Variants in TM9SF4 observed in about 807,000 individuals in gnomAD.
The protein encoded by TM9SF4 is dinucleotide oxidase disulfide thiol exchanger 3 superfamily member 4.
In TM9SF4, 26 loss-of-function variants were observed where a neutral mutation model predicts 90.4. The observed-to-expected ratio is 0.29, with a 90% CI of 0.21 to 0.40. The LOEUF (loss-of-function observed/expected upper bound fraction) is 0.40, where lower values mean the gene tolerates loss of function less well. Ranked by LOEUF, TM9SF4 falls within the 10% of genes least tolerant of loss-of-function variation. TM9SF4 has a pLI of 1.00. For synonymous variants in TM9SF4, 293 were observed against 315.4 expected (o/e 0.93, Z 0.75); for missense variants, 549 against 834.8 (o/e 0.66, Z 4.22).
In TM9SF4 at chr20:32,118,310, G is replaced by A. The variant is rs574993912; in HGVS notation, c.15+8555G>A. ...ACCCACATACCTGGTGCCAGAATCC[G>A]CTCTGCATAATTCTTACCTTAGCCC... On this transcript the variant is annotated intron_variant, in intron 1 of 17. Transcript: ENST00000398022. 1.2e-3 allele frequency among the ~76,000 whole-genome samples: 182 copies of A among 152,262 alleles called. 1 individual carries two copies. The highest frequency in any genetic ancestry group is 3.9e-3 in the African/African-American group (163 of 41,530).
intron 13 of TM9SF4, among the ~76,000 whole-genome samples, chr20:32,155,874 T>G (rs2046912478): frequency 6.6e-6 from 1 of 152,212 alleles, no homozygotes; most frequent in Non-Finnish European, 1.5e-5. Context: ...GAGGGGTTTC[T>G]TTCCCAGCAA....
intron 1 of TM9SF4, among the ~76,000 whole-genome samples, chr20:32,119,213 C>G (rs1296443344): frequency 6.6e-6 from 1 of 152,008 alleles, no homozygotes; most frequent in Non-Finnish European, 1.5e-5. Flanking sequence ...AATGTCAGCA[C>G]TTTGGGAAGC....
In TM9SF4 at chr20:32,143,112, G is replaced by A; in HGVS notation, c.652+7G>A. The A allele has an allele frequency of 6.2e-7, 1 of 1,612,376 alleles. No homozygotes were observed. Among genetic ancestry groups the A allele is most frequent in the South Asian group, 1.1e-5 (1 of 90,974 alleles). ...CAGAGCATCAGGCTGGAGGGTGAGT[G>A]GGGAGGTGTGGCCGGAGGGGCAGGG... On this transcript the variant is annotated splice_region_variant and intron_variant, in intron 6 of 17. Transcript: ENST00000398022.
Position 32,154,797 on chromosome 20 carries a change from A to G in TM9SF4, c.1246-306A>G, listed in dbSNP as rs73250870. ...CAGTGATGAGAGTACATCAGAGAAC[A>G]AGGTAGACACACTCCTCCCAAGGAG... On this transcript the variant is annotated intron_variant, in intron 12 of 17. Transcript: ENST00000398022. 9.8e-3 allele frequency among the ~76,000 whole-genome samples: 1,490 copies of G among 152,350 alleles called. 19 individuals carry two copies. The highest frequency in any genetic ancestry group is 0.034 in the African/African-American group (1,414 of 41,574).
At chr20:32,127,364 G>C (rs896054363) in intron 1 of TM9SF4, among the ~76,000 whole-genome samples, 1 of 152,092 alleles carries the variant, frequency 6.6e-6, no homozygotes, top group Non-Finnish European at 1.5e-5. Context: ...CCACTTTCTG[G>C]CTGGATGGGC....
intron 1 of TM9SF4, among the ~76,000 whole-genome samples, chr20:32,112,625 C>T (rs1408843017): frequency 6.8e-6 from 1 of 147,974 alleles, no homozygotes; most frequent in Non-Finnish European, 1.5e-5. Flanking sequence ...ACCCGGGAGG[C>T]GGAGGCTACA....
intron 2 of TM9SF4, among the ~76,000 whole-genome samples, chr20:32,135,172 T>C (rs2046577381): frequency 6.6e-6 from 1 of 152,232 alleles, no homozygotes; most frequent in African/African-American, 2.4e-5. Context: ...TGTGTGCTTG[T>C]AGCATTTCCT....
In TM9SF4 at chr20:32,143,044, C is replaced by T; in HGVS notation, c.591C>T (p.Asp197=). Residue 197 remains aspartate (D), a synonymous_variant, in exon 6 of 18, where the codon GAC becomes GAT. Coordinates refer to ENST00000398022, the MANE Select transcript of TM9SF4 (RefSeq NM_014742.4). ...ATCATCGGGAGGACATGGAAGAGGA[C>T]CAGGAGCACACGTACCGTGTCGTCC... ...LYYHREDMEE[D]QEHTYRVVRF... is the part of the protein sequence containing the mutation. 1 of 1,613,974 alleles carries T rather than the reference C, an allele frequency of 6.2e-7. No homozygotes were observed. The highest frequency in any genetic ancestry group is 2.2e-5 in the East Asian group (1 of 44,852).
intron 3 of TM9SF4, among the ~76,000 whole-genome samples, chr20:32,140,736 T>TCATC (rs2046660992): frequency 6.6e-6 from 1 of 151,532 alleles, no homozygotes; most frequent in Non-Finnish European, 1.5e-5. Flanking sequence ...AGAGTCAGAG[T>TCATC]CATCCCTCCA....
chr20:32,116,648 TTTTGTTTG>T (rs143598022), intron 1 of TM9SF4: 5 of 152,136 alleles, frequency 3.3e-5, no homozygotes, highest in African/African-American at 4.8e-5. Flanking sequence ...CTAATTTGTT[TTTTGTTTG>T]TTTGTTTGTT....
chr20:32,130,300 G>T (rs908806826), intron 1 of TM9SF4, among the ~76,000 whole-genome samples: 11 of 152,180 alleles, frequency 7.2e-5, no homozygotes, highest in African/African-American at 2.7e-4. Flanking sequence ...GTATCTTTGT[G>T]TGAGGATTGT....
At chr20:32,139,399 C>T (rs976167599) in intron 3 of TM9SF4, among the ~76,000 whole-genome samples, 1 of 152,114 alleles carries the variant, frequency 6.6e-6, no homozygotes, top group Non-Finnish European at 1.5e-5. Context: ...TAATATGCAC[C>T]ATCCCTCACT....
At chr20:32,160,216 C>T in intron 16 of TM9SF4, 105 bp downstream of exon 16, 8 of 1,527,666 alleles carry the variant, frequency 5.2e-6, no homozygotes, top group Non-Finnish European at 7.1e-6. Context: ...TTCATGTGGC[C>T]CCTGCTTCTG....
intron 2 of TM9SF4, among the ~76,000 whole-genome samples, chr20:32,134,834 A>C (rs1311520842): frequency 6.6e-6 from 1 of 152,016 alleles, no homozygotes; most frequent in Non-Finnish European, 1.5e-5. Flanking sequence ...CACCATGCCC[A>C]GCCGATTTTT....
intron 17 of TM9SF4, among the ~76,000 whole-genome samples, chr20:32,163,265 AAAAATATATATATATATAT>A (rs2047048726): frequency 1.3e-5 from 1 of 79,110 alleles, no homozygotes; most frequent in East Asian, 4.0e-4. Flanking sequence ...AAAAAAAAAA[AAAAATATATATATATATAT>A]ATATATATAT....
In TM9SF4 at chr20:32,156,182, A is replaced by G. The variant is rs1242775404; in HGVS notation, c.1329+996A>G. ...TTTAAAATTTATAAAATAACAGCAAACATTTATATGATGCTTGCTTTGTAG... is the reference window on the plus strand; with the variant it reads ...TTTAAAATTTATAAAATAACAGCAAGCATTTATATGATGCTTGCTTTGTAG... On this transcript the variant is annotated intron_variant, in intron 13 of 17. Coordinates refer to ENST00000398022, the MANE Select transcript of TM9SF4 (RefSeq NM_014742.4). 5.9e-5 allele frequency among the ~76,000 whole-genome samples: 9 copies of G among 152,236 alleles called. No individual in the cohort carries two copies. The East Asian group carries it at 1.3e-3, about 23-fold the overall frequency.
chr20:32,166,639 A>C lies in TM9SF4; in HGVS notation c.*1195A>C, dbSNP rs2047102386. 6.6e-6 allele frequency: 1 copy of C among 152,288 alleles called. No individual in the cohort carries two copies. The highest frequency in any genetic ancestry group is 2.4e-5 in the African/African-American group (1 of 41,454). The allele number at this position is 152,288 out of a possible 1,614,324, so 9.4% of individuals were successfully genotyped here. ...TTCTGTCGTTCTTTCCCCAATCCCC[A>C]GGAATGGACAAGAAGCCAACTTAGA... On this transcript the variant is annotated 3_prime_UTR_variant, in exon 18 of 18. Coordinates refer to ENST00000398022, the MANE Select transcript of TM9SF4 (RefSeq NM_014742.4).
chr20:32,122,917 G>A (rs1446823792), intron 1 of TM9SF4, among the ~76,000 whole-genome samples: 82 of 151,868 alleles, frequency 5.4e-4, no homozygotes, highest in Non-Finnish European at 9.6e-4. Context: ...CTGCAATCCC[G>A]GCACCTCGGG....
Position 32,160,055 on chromosome 20 carries a change from G to A in TM9SF4, c.1633G>A (p.Val545Met). The part of the protein sequence containing the change: ...GFLFLVFIIL[V>M]VSCSQISIVM... ...CCTGTTCCTTGTTTTCATCATCCTG[G>A]TGGTATCCTGTTCACAAATCAGCAT... The change falls in exon 16 of 18, where the codon GTG becomes ATG. Residue 545 changes from valine (V) to methionine (M), a missense_variant. By Grantham distance (21) the Val-to-Met change is conservative (BLOSUM62 1). Around this residue, in one of 2 missense-constraint regions of TM9SF4, gnomAD observed 495 missense variants for 711.7 expected, o/e 0.70. Coordinates refer to ENST00000398022, the MANE Select transcript of TM9SF4 (RefSeq NM_014742.4). The A allele has an allele frequency of 6.2e-7, 1 of 1,614,188 alleles. No individual in the cohort carries two copies. Among genetic ancestry groups the A allele is most frequent in the African/African-American group, 1.3e-5 (1 of 75,032 alleles).
Sources: gnomAD v4.1 joint callset for allele counts (sites outside exome capture counted in the v4.1 genomes callset) on GRCh38, gnomAD v4.1.1 for gene constraint, gnomAD v4.1.1 regional missense constraint, MANE v1.5 for transcripts, NCBI Gene and HGNC (gene_info 2026-07-23, HGNC 2026-07-21) for gene names.